Variants in TRIM24 observed in about 807,000 individuals in gnomAD.
TRIM24 encodes the protein transcription intermediary factor 1-alpha.
Under a neutral mutation model 123.9 loss-of-function variants are expected in TRIM24, and 29 were observed. The ratio of observed to expected loss-of-function variants is 0.23; its 90% CI spans 0.17 to 0.32. The LOEUF (loss-of-function observed/expected upper bound fraction) is 0.32. TRIM24 is among the 10% of genes least tolerant of loss of function. The probability of loss-of-function intolerance (pLI) is 1.00; values close to 1 mark genes in which losing one functional copy is unlikely to be tolerated. For synonymous variants in TRIM24, 456 were observed against 461.1 expected, an observed-to-expected ratio of 0.99 and a Z score of 0.14; for missense variants, 932 against 1,295.3, an observed-to-expected ratio of 0.72 and a Z score of 4.31.
At chr7:138,461,524 T>C (rs999984101) in intron 1 of TRIM24, among the ~76,000 whole-genome samples, 1 of 152,220 alleles carries the variant, frequency 6.6e-6, no homozygotes, top group Non-Finnish European at 1.5e-5. Flanking sequence ...GACGTTGTTT[T>C]GTTGTGTGTC....
chr7:138,475,205 A>C (rs1795369760), intron 1 of TRIM24, among the ~76,000 whole-genome samples: 1 of 152,150 alleles, frequency 6.6e-6, no homozygotes. Context: ...GAATGGAGCT[A>C]ATTTCTATGT....
intron 7 of TRIM24, among the ~76,000 whole-genome samples, chr7:138,548,449 A>G (rs1399822706): frequency 6.6e-6 from 1 of 151,960 alleles, no homozygotes; most frequent in Non-Finnish European, 1.5e-5. Context: ...CTGTATAGGT[A>G]TAAGGCATTT....
intron 9 of TRIM24, among the ~76,000 whole-genome samples, chr7:138,557,450 C>T (rs1457220931): frequency 6.6e-6 from 1 of 151,924 alleles, no homozygotes; most frequent in Non-Finnish European, 1.5e-5. Context: ...TCTCTATGGC[C>T]GATTGGATGT....
chr7:138,539,410 C>T (rs1796956651), intron 7 of TRIM24, among the ~76,000 whole-genome samples: 1 of 152,126 alleles, frequency 6.6e-6, no homozygotes, highest in Non-Finnish European at 1.5e-5. Flanking sequence ...TCACATATGA[C>T]TACCACATCA....
intron 2 of TRIM24, among the ~76,000 whole-genome samples, chr7:138,504,758 C>A (rs529778803): frequency 6.7e-6 from 1 of 150,366 alleles, no homozygotes; most frequent in South Asian, 2.1e-4. Context: ...CCGCACCTGG[C>A]CTCTTTTTTT....
intron 2 of TRIM24, 39 bp downstream of exon 2, chr7:138,504,447 CTTTTTTTTTTTTTTT>C (rs750956455): frequency 1.7e-4 from 26 of 155,194 alleles, no homozygotes; most frequent in African/African-American, 1.2e-3. Context: ...CCTGCCAGCT[CTTTTTTTTTTTTTTT>C]TTTTTTTTTT....
intron 9 of TRIM24, among the ~76,000 whole-genome samples, chr7:138,555,943 C>T (rs1019387090): frequency 4.6e-5 from 7 of 152,164 alleles, no homozygotes; most frequent in African/African-American, 1.7e-4. Flanking sequence ...TAGCACATTA[C>T]ACTGGCATTA....
chr7:138,468,745 A>C (rs964536679), intron 1 of TRIM24, among the ~76,000 whole-genome samples: 1 of 152,006 alleles, frequency 6.6e-6, no homozygotes, highest in Admixed American at 6.6e-5. Context: ...CTTCCCATGG[A>C]CTTGCTCTGC....
At chr7:138,535,877 T>C (rs955729589) in intron 6 of TRIM24, among the ~76,000 whole-genome samples, 1 of 152,184 alleles carries the variant, frequency 6.6e-6, no homozygotes, top group Non-Finnish European at 1.5e-5. Flanking sequence ...TTTGGTCTTT[T>C]CACATAGTCC....
chr7:138,526,071 T>TAC (rs968974960), intron 5 of TRIM24, among the ~76,000 whole-genome samples: 11 of 152,334 alleles, frequency 7.2e-5, no homozygotes, highest in Non-Finnish European at 1.2e-4. Context: ...TCTGTTGTTT[T>TAC]ACACACAAAA....
intron 1 of TRIM24, among the ~76,000 whole-genome samples, chr7:138,474,336 A>C (rs1307028486): frequency 6.6e-6 from 1 of 151,320 alleles, no homozygotes; most frequent in Non-Finnish European, 1.5e-5. Flanking sequence ...CATGTTAGCC[A>C]GGATGGTCTC....
intron 1 of TRIM24, among the ~76,000 whole-genome samples, chr7:138,485,076 C>T (rs894107853): frequency 2.0e-5 from 3 of 151,930 alleles, no homozygotes; most frequent in Admixed American, 2.0e-4. Flanking sequence ...CTATTTCTTT[C>T]TCTTTCCTCA....
At chr7:138,513,245 C>A (rs1347916750) in intron 2 of TRIM24, among the ~76,000 whole-genome samples, 2 of 152,156 alleles carry the variant, frequency 1.3e-5, no homozygotes, top group Non-Finnish European at 2.9e-5. Flanking sequence ...AAATTTTTCT[C>A]ACCTTCCTGC....
intron 11 of TRIM24, among the ~76,000 whole-genome samples, chr7:138,573,049 C>G (rs890271091): frequency 6.6e-6 from 1 of 152,130 alleles, no homozygotes; most frequent in African/African-American, 2.4e-5. Flanking sequence ...TCCACTAGGT[C>G]CTATCTATCT....
Position 138,588,100 on chromosome 7 carries a change from G to T in TRIM24, c.*3149G>T, listed in dbSNP as rs1045961854. On this transcript the variant is annotated 3_prime_UTR_variant, in exon 19 of 19. Coordinates refer to ENST00000343526, the MANE Select transcript of TRIM24 (RefSeq NM_015905.3). The stretch of plus-strand genomic sequence containing the variant: ...GATGTAGTATAACTTGCTTAGGAAT[G>T]CTTTCAAAAAGGTTACCTCCATAGT... 2.0e-5 allele frequency: 3 copies of T among 151,162 alleles called. No individual in the cohort carries two copies. The highest frequency in any genetic ancestry group is 1.3e-4 in the Admixed American group (2 of 15,170). The allele number at this position is 151,162 out of a possible 1,614,324, so 9.4% of individuals were successfully genotyped here.
rs1049325091 is a variant in TRIM24, at chr7:138,460,443, C to G, written c.-106C>G. On this transcript the variant is annotated 5_prime_UTR_variant, in exon 1 of 19. Transcript: ENST00000343526. ...CTCCCTCGCTGGCGCTGCCGCGAGT[C>G]CACCGAGCGGCCTCTGAGGAGCAGC... 3 of 1,164,836 alleles carry G rather than the reference C, an allele frequency of 2.6e-6. No homozygotes were observed. The East Asian group carries it at 9.6e-5, about 37-fold the overall frequency. The allele number at this position is 1,164,836 out of a possible 1,614,324, so 72.2% of individuals were successfully genotyped here.
chr7:138,490,810 T>G (rs778613080), intron 1 of TRIM24: 6 of 476,516 alleles, frequency 1.3e-5, no homozygotes, highest in Non-Finnish European at 2.4e-5. Flanking sequence ...GGAATCAATG[T>G]ATTGACCACA....
At chr7:138,566,581 C>T (rs756462227) in intron 9 of TRIM24, among the ~76,000 whole-genome samples, 2 of 152,140 alleles carry the variant, frequency 1.3e-5, no homozygotes, top group Non-Finnish European at 2.9e-5. Context: ...ATCTTAACAG[C>T]CAGCTAAGCA....
chr7:138,474,900 T>G (rs1795362746), intron 1 of TRIM24, among the ~76,000 whole-genome samples: 1 of 152,214 alleles, frequency 6.6e-6, no homozygotes, highest in African/African-American at 2.4e-5. Context: ...CAGGAAATCC[T>G]TGTGTCTAAC....
Sources: allele counts gnomAD v4.1 joint callset (sites outside exome capture counted in the v4.1 genomes callset), GRCh38; gene constraint gnomAD v4.1.1; transcripts MANE v1.5; gene names NCBI Gene and HGNC (gene_info 2026-07-23, HGNC 2026-07-21).